Variants in PPARGC1A observed in about 807,000 individuals in gnomAD.
PPARGC1A encodes peroxisome proliferator-activated receptor gamma coactivator 1-alpha.
A neutral mutation model predicts 88.7 loss-of-function variants in PPARGC1A; 25 were observed. That is an observed-to-expected ratio of 0.28 (90% CI 0.21 to 0.39). The LOEUF (loss-of-function observed/expected upper bound fraction) is 0.39, where lower values mean the gene tolerates loss of function less well. Ranked by LOEUF, PPARGC1A falls within the 10% of genes least tolerant of loss-of-function variation. PPARGC1A has a pLI of 1.00. For synonymous variants in PPARGC1A, 363 were observed against 355.6 expected, an observed-to-expected ratio of 1.02 and a Z score of -0.24; for missense variants, 880 against 968.7, an observed-to-expected ratio of 0.91 and a Z score of 1.22.
At chr4:24,022,678 T>C in the PPARGC1A span, among the ~76,000 whole-genome samples, 1 of 152,180 alleles carries the variant, frequency 6.6e-6, no homozygotes, top group African/African-American at 2.4e-5. Flanking sequence ...TGTCACCAGT[T>C]GCCTCAGATT....
At chr4:23,818,546 T>C (rs1722387584) in intron 7 of PPARGC1A, among the ~76,000 whole-genome samples, 1 of 152,154 alleles carries the variant, frequency 6.6e-6, no homozygotes. Context: ...TATTTATGAT[T>C]ACTGCATTGA....
chr4:24,148,427 T>A, the PPARGC1A span, among the ~76,000 whole-genome samples: 1 of 152,176 alleles, frequency 6.6e-6, no homozygotes, highest in Admixed American at 6.6e-5. Context: ...TCAGTCATGA[T>A]CTCTACCTCC....
chr4:24,151,151 C>G, the PPARGC1A span, among the ~76,000 whole-genome samples: 1 of 152,218 alleles, frequency 6.6e-6, no homozygotes, highest in African/African-American at 2.4e-5. Flanking sequence ...CATTGCTCCC[C>G]TTTCACAAAT....
At chr4:24,354,667 A>T in the PPARGC1A span, among the ~76,000 whole-genome samples, 2 of 152,052 alleles carry the variant, frequency 1.3e-5, no homozygotes, top group South Asian at 4.2e-4. Context: ...CGTGTGGATC[A>T]TGAGGTCAGG....
the PPARGC1A span, among the ~76,000 whole-genome samples, chr4:24,284,431 C>T: frequency 6.6e-6 from 1 of 152,242 alleles, no homozygotes; most frequent in East Asian, 1.9e-4. Flanking sequence ...TTCTTAACCA[C>T]TCCATTCACT....
At chr4:24,142,736 A>G in the PPARGC1A span, among the ~76,000 whole-genome samples, 1 of 152,156 alleles carries the variant, frequency 6.6e-6, no homozygotes, top group East Asian at 1.9e-4. Flanking sequence ...CAGAGATGAT[A>G]GTTTAACAAG....
At chr4:24,435,455 C>T in the PPARGC1A span, among the ~76,000 whole-genome samples, 2 of 152,290 alleles carry the variant, frequency 1.3e-5, no homozygotes, top group East Asian at 1.9e-4. Flanking sequence ...TAGTAAACTC[C>T]TGTTTTCTCA....
the PPARGC1A span, among the ~76,000 whole-genome samples, chr4:24,129,891 C>A: frequency 1.3e-5 from 2 of 151,948 alleles, no homozygotes; most frequent in Admixed American, 1.3e-4. Flanking sequence ...CAAACTATCG[C>A]CAAGGACAAA....
At chr4:24,121,647 C>T in the PPARGC1A span, among the ~76,000 whole-genome samples, 2 of 152,116 alleles carry the variant, frequency 1.3e-5, no homozygotes, top group South Asian at 2.1e-4. Context: ...GAGGAAACCA[C>T]GAGGCCCATA....
chr4:23,853,516 A>G (rs1729676360), intron 2 of PPARGC1A, among the ~76,000 whole-genome samples: 2 of 152,172 alleles, frequency 1.3e-5, no homozygotes, highest in Non-Finnish European at 2.9e-5. Context: ...TGGAGATGGG[A>G]CAGGTTTCCA....
the PPARGC1A span, among the ~76,000 whole-genome samples, chr4:24,236,570 G>A: frequency 1.3e-5 from 2 of 152,114 alleles, no homozygotes; most frequent in African/African-American, 4.8e-5. Context: ...TCAACTTCTA[G>A]TTACACCTGT....
chr4:23,916,747 T>C, the PPARGC1A span, among the ~76,000 whole-genome samples: 1 of 152,218 alleles, frequency 6.6e-6, no homozygotes, highest in African/African-American at 2.4e-5. Context: ...CTTTGTAAAC[T>C]ACAAAGTAAT....
chr4:24,068,671 A>C, the PPARGC1A span, among the ~76,000 whole-genome samples: 2 of 152,214 alleles, frequency 1.3e-5, no homozygotes, highest in African/African-American at 4.8e-5. Context: ...GACCTGGCCT[A>C]AATTGAAATA....
At chr4:24,378,919 T>A in the PPARGC1A span, among the ~76,000 whole-genome samples, 3 of 152,198 alleles carry the variant, frequency 2.0e-5, no homozygotes, top group East Asian at 5.8e-4. Flanking sequence ...TACAAAAACA[T>A]CTAAAGGGTT....
chr4:24,287,318 G>A, the PPARGC1A span, among the ~76,000 whole-genome samples: 2 of 152,114 alleles, frequency 1.3e-5, no homozygotes, highest in African/African-American at 4.8e-5. Flanking sequence ...TCAAAGGCAT[G>A]AATACCAGGA....
chr4:24,277,784 G>A, the PPARGC1A span, among the ~76,000 whole-genome samples: 1 of 152,110 alleles, frequency 6.6e-6, no homozygotes, highest in African/African-American at 2.4e-5. Context: ...ATGGGGGTCA[G>A]GACAGGAGAG....
chr4:24,227,085 T>C, the PPARGC1A span, among the ~76,000 whole-genome samples: 1 of 152,070 alleles, frequency 6.6e-6, no homozygotes, highest in Non-Finnish European at 1.5e-5. Flanking sequence ...AACACTTCTT[T>C]TTTTTTTTTC....
chr4:24,031,466 A>C, the PPARGC1A span, among the ~76,000 whole-genome samples: 1 of 152,144 alleles, frequency 6.6e-6, no homozygotes, highest in Non-Finnish European at 1.5e-5. Flanking sequence ...TCAAATGATC[A>C]AACTGTCTAA....
At chr4:24,185,539 C>A in the PPARGC1A span, among the ~76,000 whole-genome samples, 1 of 152,194 alleles carries the variant, frequency 6.6e-6, no homozygotes, top group Non-Finnish European at 1.5e-5. Context: ...TGTTGTATTT[C>A]TCCCCTCACC....
Sources: gnomAD v4.1 joint callset for allele counts (sites outside exome capture counted in the v4.1 genomes callset) on GRCh38, gnomAD v4.1.1 for gene constraint, MANE v1.5 for transcripts, NCBI Gene and HGNC (gene_info 2026-07-23, HGNC 2026-07-21) for gene names.